SEMA6D: variants seen among roughly 807,000 people sequenced by gnomAD.
The protein encoded by SEMA6D is semaphorin 6D.
A neutral mutation model predicts 106.6 loss-of-function variants in SEMA6D; 35 were observed. The ratio of observed to expected loss-of-function variants is 0.33; its 90% confidence interval spans 0.25 to 0.44. The LOEUF (loss-of-function observed/expected upper bound fraction) is 0.44, where lower values mean the gene tolerates loss of function less well. Among genes scored for constraint, SEMA6D ranks in the 20% least tolerant of loss-of-function variants. The pLI is 1.00. For missense variants in SEMA6D, 1,185 were observed against 1,345.9 expected, an observed-to-expected ratio of 0.88 and a Z score of 1.87; for synonymous variants, 499 against 487.7, an observed-to-expected ratio of 1.02 and a Z score of -0.31.
At chr15:47,287,860 G>T (rs975751665) in intron 1 of SEMA6D, among the ~76,000 whole-genome samples, 2 of 152,124 alleles carry the variant, frequency 1.3e-5, no homozygotes, top group Admixed American at 6.6e-5. Flanking sequence ...ATTGGCTCAT[G>T]GCTCTGCATG....
intron 1 of SEMA6D, among the ~76,000 whole-genome samples, chr15:47,276,007 G>T (rs534232662): frequency 6.6e-6 from 1 of 152,238 alleles, no homozygotes; most frequent in East Asian, 1.9e-4. Context: ...CTAGATAGAA[G>T]TTCAAACCAG....
chr15:47,496,215 A>G (rs1314551989), intron 3 of SEMA6D, among the ~76,000 whole-genome samples: 1 of 151,996 alleles, frequency 6.6e-6, no homozygotes, highest in African/African-American at 2.4e-5. Flanking sequence ...TAGTGCAGTG[A>G]TTTTCCATGA....
At chr15:47,360,831 C>G (rs2038777768) in intron 1 of SEMA6D, among the ~76,000 whole-genome samples, 1 of 152,186 alleles carries the variant, frequency 6.6e-6, no homozygotes, top group Non-Finnish European at 1.5e-5. Flanking sequence ...AGGCTATTAT[C>G]AAACACTAAA....
At chr15:47,295,803 A>C (rs2142918691) in intron 1 of SEMA6D, among the ~76,000 whole-genome samples, 1 of 152,354 alleles carries the variant, frequency 6.6e-6, no homozygotes, top group South Asian at 2.1e-4. Context: ...TGGGAGCCAA[A>C]CCAAATGCCA....
chr15:47,696,079 T>C (rs764468122), intron 4 of SEMA6D, among the ~76,000 whole-genome samples: 1 of 152,178 alleles, frequency 6.6e-6, no homozygotes, highest in African/African-American at 2.4e-5. Context: ...CAAACAAAGG[T>C]CTTCTCTTCA....
intron 1 of SEMA6D, among the ~76,000 whole-genome samples, chr15:47,195,611 A>T (rs1351199240): frequency 1.3e-5 from 2 of 152,206 alleles, no homozygotes; most frequent in Non-Finnish European, 1.5e-5. Flanking sequence ...TGTTCTTTTC[A>T]TGATGCCTCT....
At chr15:47,460,850 C>T (rs2042485807) in intron 2 of SEMA6D, among the ~76,000 whole-genome samples, 1 of 152,032 alleles carries the variant, frequency 6.6e-6, no homozygotes, top group Non-Finnish European at 1.5e-5. Context: ...CATAAAACAG[C>T]AGATTTAATG....
chr15:47,255,125 G>A (rs1405755443), intron 1 of SEMA6D, among the ~76,000 whole-genome samples: 1 of 152,068 alleles, frequency 6.6e-6, no homozygotes, highest in Non-Finnish European at 1.5e-5. Flanking sequence ...CTTGTCACTT[G>A]TTATTGCTCT....
At chr15:47,225,932 C>T (rs1029790711) in intron 1 of SEMA6D, among the ~76,000 whole-genome samples, 4 of 151,982 alleles carry the variant, frequency 2.6e-5, no homozygotes, top group African/African-American at 9.7e-5. Flanking sequence ...CATATAGTAA[C>T]ACAGTAATGT....
chr15:47,343,004 C>T (rs766128446), intron 1 of SEMA6D, among the ~76,000 whole-genome samples: 80 of 152,132 alleles, frequency 5.3e-4, no homozygotes, highest in Non-Finnish European at 9.3e-4. Flanking sequence ...TGAGCCACTG[C>T]GCCCAGCCCT....
At chr15:47,440,580 G>A (rs2041852662) in intron 2 of SEMA6D, among the ~76,000 whole-genome samples, 1 of 151,942 alleles carries the variant, frequency 6.6e-6, no homozygotes, top group Admixed American at 6.6e-5. Context: ...ATGCATGAGG[G>A]AGATGGAAGG....
At chr15:47,229,182 A>G (rs141672583) in intron 1 of SEMA6D, among the ~76,000 whole-genome samples, 188 of 152,170 alleles carry the variant, frequency 1.2e-3, no homozygotes, top group African/African-American at 4.3e-3. Context: ...AGAATCAGAT[A>G]AAGAGTTGAC....
intron 3 of SEMA6D, among the ~76,000 whole-genome samples, chr15:47,552,845 TATATATAA>T (rs1355905534): frequency 1.3e-5 from 1 of 78,670 alleles, no homozygotes; most frequent in African/African-American, 8.8e-5. Flanking sequence ...TATATATAAA[TATATATAA>T]ATATATATAT....
intron 3 of SEMA6D, among the ~76,000 whole-genome samples, chr15:47,505,387 T>G (rs2141673550): frequency 6.6e-6 from 1 of 152,286 alleles, no homozygotes; most frequent in South Asian, 2.1e-4. Flanking sequence ...GTGACAACAC[T>G]TAAAGTTTAA....
At chr15:47,525,465 C>A (rs1300947670) in intron 3 of SEMA6D, 1 of 152,198 alleles carries the variant, frequency 6.6e-6, no homozygotes, top group Non-Finnish European at 1.5e-5. Context: ...TCTTCTACCA[C>A]CTGGGTAAGA....
intron 1 of SEMA6D, among the ~76,000 whole-genome samples, chr15:47,330,693 T>G (rs1445840048): frequency 6.6e-6 from 1 of 152,204 alleles, no homozygotes; most frequent in African/African-American, 2.4e-5. Context: ...GAGAGTGAAC[T>G]CCACACGCAA....
chr15:47,528,482 C>G (rs112123002), intron 3 of SEMA6D, among the ~76,000 whole-genome samples: 8 of 152,182 alleles, frequency 5.3e-5, no homozygotes, highest in Non-Finnish European at 8.8e-5. Context: ...TTACTTTTAT[C>G]ATTTCATTCC....
intron 16 of SEMA6D, 52 bp downstream of exon 16, chr15:47,766,729 C>A: frequency 8.2e-7 from 1 of 1,221,890 alleles, no homozygotes; most frequent in Non-Finnish European, 1.2e-6. Flanking sequence ...ACCACATTTG[C>A]ACGTCGACAT....
rs71118191 is a variant in SEMA6D at position 47,657,719 on chromosome 15, C to CTTTTTTTTTTTTT, written c.-55+56851_-55+56863dup. Among the ~76,000 whole-genome samples, 23 of 54,676 alleles carry CTTTTTTTTTTTTT rather than the reference C, an allele frequency of 4.2e-4. 6 individuals carry two copies. Among genetic ancestry groups the CTTTTTTTTTTTTT allele is most frequent in the African/African-American group, 6.8e-4 (8 of 11,746 alleles). 35.9% of individuals were successfully genotyped at this position (54,676 alleles called of 152,430 possible). A position where few individuals can be genotyped will look rare whatever the true frequency, so the allele number is the denominator to read the frequency against. On this transcript the variant is annotated intron_variant, in intron 4 of 19. Coordinates refer to the SEMA6D transcript ENST00000558014. ...CATTTAGTGACAGAGGGCTTCATTT[C>CTTTTTTTTTTTTT]TTTTTTTTTTTTTTTTTTTTTTTTT... is the stretch of plus-strand genomic sequence containing the variant.
Sources: allele counts gnomAD v4.1 joint callset (sites outside exome capture counted in the v4.1 genomes callset), GRCh38; gene constraint gnomAD v4.1.1; transcripts MANE v1.5; gene names NCBI Gene and HGNC (gene_info 2026-07-23, HGNC 2026-07-21).